The following TXNRD2 variants were observed in gnomAD, a reference collection of about 807,000 sequenced individuals.
TXNRD2 encodes the protein thioredoxin reductase 2, also known as thioredoxin reductase 2, mitochondrial.
TXNRD2 carries 67 observed loss-of-function variants against 70.8 expected under a neutral mutation model. That is an observed-to-expected ratio of 0.95 (90% CI 0.78 to 1.16). The LOEUF (loss-of-function observed/expected upper bound fraction) is 1.16, where lower values mean the gene tolerates loss of function less well. Among genes scored for constraint, TXNRD2 ranks in the 50% most tolerant of loss-of-function variants. The pLI is 0.00. For missense variants in TXNRD2, 644 were observed against 719.9 expected (o/e 0.89, Z 1.21); for synonymous variants, 301 against 295.8 (o/e 1.02, Z -0.18).
At chr22:19,931,149 G>T in intron 1 of TXNRD2, 51 bp from the exon 2 acceptor site, 1 of 1,554,808 alleles carries the variant, frequency 6.4e-7, no homozygotes. Context: ...GTTAAACGTG[G>T]TACAGGATCA....
chr22:19,877,326 C>T (rs531953601), intron 16 of TXNRD2, 92 bp from the exon 17 acceptor site: 66 of 1,211,478 alleles, frequency 5.4e-5, no homozygotes, highest in Middle Eastern at 2.6e-4. Context: ...GCCTCAGAGG[C>T]TGCTGGTCTC....
At chr22:19,907,627 C>A (rs1373592022) in intron 8 of TXNRD2, among the ~76,000 whole-genome samples, 3 of 36,566 alleles carry the variant, frequency 8.2e-5, no homozygotes, top group East Asian at 7.7e-4. Context: ...TAGCAGTGAC[C>A]GCTCTCAGGA....
chr22:19,908,577 G>A (rs1940176975), intron 8 of TXNRD2, among the ~76,000 whole-genome samples: 1 of 152,214 alleles, frequency 6.6e-6, no homozygotes, highest in Non-Finnish European at 1.5e-5. Flanking sequence ...GCGCTGTTGG[G>A]AACAGGATGG....
chr22:19,882,174 G>A (rs905346476), intron 12 of TXNRD2, among the ~76,000 whole-genome samples: 4 of 152,138 alleles, frequency 2.6e-5, no homozygotes, highest in Non-Finnish European at 5.9e-5. Context: ...CTACCCCAGA[G>A]GCTTCCGAGG....
intron 2 of TXNRD2, among the ~76,000 whole-genome samples, chr22:19,929,193 G>A (rs1003298130): frequency 6.6e-6 from 1 of 151,838 alleles, no homozygotes; most frequent in African/African-American, 2.4e-5. Flanking sequence ...CGGGCGTGGT[G>A]GTGGGCGCCT....
chr22:19,941,787 A>C lies in TXNRD2; in HGVS notation c.17T>G (p.Val6Gly), dbSNP rs571085983. 6.5e-7 allele frequency: 1 copy of C among 1,528,086 alleles called. No individual in the cohort carries two copies. Among genetic ancestry groups the C allele is most frequent in the South Asian group, 1.2e-5 (1 of 82,884 alleles). The allele number at this position is 1,528,086 out of a possible 1,614,324, so 94.7% of individuals were successfully genotyped here. Residue 6 changes from valine (V) to glycine (G), a missense_variant, in exon 1 of 18, where the codon GTG becomes GGG. Val to Gly is a moderately radical substitution (Grantham distance 109). Around this residue, in one of 3 missense-constraint regions of TXNRD2, gnomAD observed 71 missense variants for 53.6 expected, o/e 1.33. Coordinates refer to ENST00000400521, the MANE Select transcript of TXNRD2 (RefSeq NM_006440.5). ...GCGCCCTCCTAATCCCCGCAGCGCCACCGCCATTGCCGCCATCGTCGTGGG... is the reference window on the plus strand; with the variant it reads ...GCGCCCTCCTAATCCCCGCAGCGCCCCCGCCATTGCCGCCATCGTCGTGGG... MAAMA[V>G]ALRGLGGRFR...
At chr22:19,932,641 G>C (rs1221426813) in intron 1 of TXNRD2, 11 of 1,324,808 alleles carry the variant, frequency 8.3e-6, no homozygotes, top group South Asian at 1.5e-5. Flanking sequence ...TGAGGGCAGG[G>C]TGGGGACTGA....
At chr22:19,916,070 G>T (rs951041083) in intron 5 of TXNRD2, 1 of 532,442 alleles carries the variant, frequency 1.9e-6, no homozygotes, top group Non-Finnish European at 3.4e-6. Flanking sequence ...AACCACAGGT[G>T]TCAAAGCAGG....
At chr22:19,881,437 A>C (rs560928174) in intron 12 of TXNRD2, 1 of 199,344 alleles carries the variant, frequency 5.0e-6, no homozygotes, top group Non-Finnish European at 1.0e-5. Context: ...TCATTAAACA[A>C]TAGCCCCCGC....
chr22:19,934,569 T>TTC (rs1011899744), intron 1 of TXNRD2, among the ~76,000 whole-genome samples: 2 of 150,488 alleles, frequency 1.3e-5, no homozygotes, highest in African/African-American at 2.4e-5. Flanking sequence ...CTTTTTTCTT[T>TTC]TTTTTTTTTT....
At chr22:19,880,108 C>T in intron 14 of TXNRD2, 71 bp downstream of exon 14, 1 of 1,515,232 alleles carries the variant, frequency 6.6e-7, no homozygotes, top group Non-Finnish European at 9.1e-7. Context: ...GCTCACAAGG[C>T]CTCCGCCCAG....
intron 2 of TXNRD2, among the ~76,000 whole-genome samples, chr22:19,920,597 GA>G (rs3081735): frequency 5.4e-4 from 73 of 134,924 alleles, no homozygotes; most frequent in Middle Eastern, 4.2e-3. Context: ...AAGAAAGAAA[GA>G]AAAAAAAAAA....
chr22:19,916,302 G>A, intron 5 of TXNRD2: 1 of 193,932 alleles, frequency 5.2e-6, no homozygotes, highest in Non-Finnish European at 1.1e-5. Flanking sequence ...GGAGCATAGT[G>A]CACAGAAACA....
intron 7 of TXNRD2, among the ~76,000 whole-genome samples, chr22:19,911,841 C>G (rs1569095882): frequency 6.6e-6 from 1 of 152,118 alleles, no homozygotes; most frequent in Non-Finnish European, 1.5e-5. Flanking sequence ...CAGGGGCATG[C>G]AGCCCCAGGG....
chr22:19,885,279 A>G lies in TXNRD2; in HGVS notation c.950-1818T>C, dbSNP rs777431843. 1.1e-4 allele frequency among the ~76,000 whole-genome samples: 17 copies of G among 152,236 alleles called. 1 individual carries two copies. The highest frequency in any genetic ancestry group is 2.4e-4 in the Non-Finnish European group (16 of 68,030). On this transcript the variant is annotated intron_variant, in intron 11 of 17. Transcript: ENST00000400521. ...CCAATGGCGAAGGCAATTTTGCCTC[A>G]AAAGCATAGCTCCCCTGCTCATCGT... is the stretch of plus-strand genomic sequence containing the variant.
intron 2 of TXNRD2, among the ~76,000 whole-genome samples, chr22:19,923,244 T>C (rs1217622459): frequency 6.6e-6 from 1 of 152,222 alleles, no homozygotes; most frequent in Non-Finnish European, 1.5e-5. Flanking sequence ...AAACTATTTT[T>C]TTCCTTTCCC....
intron 1 of TXNRD2, among the ~76,000 whole-genome samples, chr22:19,935,791 G>C (rs1405130482): frequency 6.6e-6 from 1 of 152,142 alleles, no homozygotes; most frequent in Non-Finnish European, 1.5e-5. Context: ...CGCCCAACGT[G>C]GTTTTCTTTT....
chr22:19,925,239 G>A (rs542040795), intron 2 of TXNRD2, among the ~76,000 whole-genome samples: 13 of 151,912 alleles, frequency 8.6e-5, no homozygotes, highest in South Asian at 4.1e-4. Context: ...AGCTGAGATC[G>A]CACCACTGCA....
intron 7 of TXNRD2, 100 bp downstream of exon 7, chr22:19,915,114 C>CTGTGGG: frequency 9.2e-7 from 1 of 1,085,930 alleles, no homozygotes; most frequent in Non-Finnish European, 1.4e-6. Flanking sequence ...AAAGGGTGTG[C>CTGTGGG]AAGCTGCTGC....
Sources: gnomAD v4.1 joint callset for allele counts (sites outside exome capture counted in the v4.1 genomes callset) on GRCh38, gnomAD v4.1.1 for gene constraint, gnomAD v4.1.1 regional missense constraint, MANE v1.5 for transcripts, NCBI Gene and HGNC (gene_info 2026-07-23, HGNC 2026-07-21) for gene names.